The following CAB39 variants were observed in gnomAD, a reference collection of about 807,000 sequenced individuals.
The protein encoded by CAB39 is calcium-binding protein 39.
In CAB39, 8 loss-of-function variants were observed where a neutral mutation model predicts 40.0. That is an observed-to-expected ratio of 0.20 (90% CI 0.12 to 0.36). The LOEUF is 0.36. Ranked by LOEUF, CAB39 falls within the 10% of genes least tolerant of loss-of-function variation. The pLI is 1.00. For synonymous variants in CAB39, 156 were observed against 141.6 expected (o/e 1.10, Z -0.72); for missense variants, 270 against 401.1 (o/e 0.67, Z 2.79).
At chr2:230,748,773 C>G (rs1432636744) in intron 1 of CAB39, among the ~76,000 whole-genome samples, 2 of 139,080 alleles carry the variant, frequency 1.4e-5, no homozygotes, top group South Asian at 2.3e-4. Flanking sequence ...TGCCACTGCA[C>G]TCCAGCCTGG....
At chr2:230,815,291 T>G (rs1196432773) in intron 7 of CAB39, among the ~76,000 whole-genome samples, 1 of 152,198 alleles carries the variant, frequency 6.6e-6, no homozygotes, top group Admixed American at 6.5e-5. Context: ...TTGCTGTTGC[T>G]TGGGCCCCAC....
intron 8 of CAB39, 122 bp from the exon 9 acceptor site, chr2:230,818,394 G>T: frequency 1.5e-6 from 1 of 681,512 alleles, no homozygotes; most frequent in Non-Finnish European, 2.4e-6. Context: ...AAAACCTAAT[G>T]ACCCTGACTT....
At chr2:230,789,674 A>G (rs1695858389) in intron 2 of CAB39, among the ~76,000 whole-genome samples, 1 of 152,178 alleles carries the variant, frequency 6.6e-6, no homozygotes, top group South Asian at 2.1e-4. Context: ...AGTTGAAGAC[A>G]TGAGTGGGCT....
At chr2:230,785,383 G>A (rs1012880498) in intron 2 of CAB39, among the ~76,000 whole-genome samples, 8 of 151,536 alleles carry the variant, frequency 5.3e-5, no homozygotes, top group African/African-American at 1.7e-4. Context: ...GCGTGGGCAG[G>A]GGGGCAGGGG....
chr2:230,794,367 TG>T (rs1695943777), intron 4 of CAB39, among the ~76,000 whole-genome samples: 2 of 152,224 alleles, frequency 1.3e-5, no homozygotes, highest in South Asian at 4.1e-4. Context: ...AATTCAGAGT[TG>T]TATGTAAAAA....
At chr2:230,753,457 T>C (rs1354690616) in intron 1 of CAB39, among the ~76,000 whole-genome samples, 1 of 152,156 alleles carries the variant, frequency 6.6e-6, no homozygotes, top group African/African-American at 2.4e-5. Context: ...CTGAGGTTTA[T>C]TATAAACCAT....
rs575035304 is a variant in CAB39 at position 230,792,650 on chromosome 2, T to G, written c.280-563T>G. ...CTGAACTACTGTATCATGTGATACT[T>G]AGTACCTTCATTATTAATCTATATA... is the stretch of plus-strand genomic sequence containing the variant. On this transcript the variant is annotated intron_variant, in intron 3 of 8. Transcript: ENST00000258418. Among the ~76,000 whole-genome samples, 4 of 152,356 alleles carry G rather than the reference T, an allele frequency of 2.6e-5. No homozygotes were observed. The East Asian group carries it at 7.7e-4, about 29-fold the overall frequency.
chr2:230,731,699 A>G (rs1694693118), intron 1 of CAB39, among the ~76,000 whole-genome samples: 1 of 152,062 alleles, frequency 6.6e-6, no homozygotes, highest in Non-Finnish European at 1.5e-5. Context: ...GGGTCTTGCT[A>G]TGTTGCCCAG....
intron 1 of CAB39, among the ~76,000 whole-genome samples, chr2:230,748,994 G>A (rs1194014920): frequency 7.0e-6 from 1 of 143,116 alleles, no homozygotes; most frequent in African/African-American, 2.6e-5. Context: ...ATAAATGTGC[G>A]CCCCCCGCCC....
At chr2:230,780,302 T>C (rs1465541258) in intron 2 of CAB39, among the ~76,000 whole-genome samples, 1 of 152,198 alleles carries the variant, frequency 6.6e-6, no homozygotes, top group African/African-American at 2.4e-5. Flanking sequence ...CCTCCCTAAA[T>C]GTTAACGTCT....
chr2:230,815,344 G>A (rs114272369), intron 7 of CAB39, among the ~76,000 whole-genome samples: 1 of 152,184 alleles, frequency 6.6e-6, no homozygotes, highest in Non-Finnish European at 1.5e-5. Context: ...TTCATCTTTG[G>A]GGGGTTGGAC....
At chr2:230,810,501 A>G (rs1696285431) in intron 6 of CAB39, among the ~76,000 whole-genome samples, 179 bp downstream of exon 6, 1 of 152,258 alleles carries the variant, frequency 6.6e-6, no homozygotes, top group Admixed American at 6.5e-5. Context: ...TCAGAAGTAG[A>G]TCTTTTTGAT....
At chr2:230,773,286 A>G (rs1043345931) in intron 2 of CAB39, among the ~76,000 whole-genome samples, 1 of 138,384 alleles carries the variant, frequency 7.2e-6, no homozygotes, top group South Asian at 2.3e-4. Context: ...TGATGGTTTC[A>G]TGGGTGTATG....
intron 1 of CAB39, among the ~76,000 whole-genome samples, chr2:230,744,910 A>G (rs1218792938): frequency 1.3e-5 from 2 of 152,242 alleles, no homozygotes; most frequent in East Asian, 1.9e-4. Context: ...AAAATCAGCT[A>G]CTAAAGCAAA....
At chr2:230,764,122 A>G (rs1695342445) in intron 2 of CAB39, among the ~76,000 whole-genome samples, 1 of 152,008 alleles carries the variant, frequency 6.6e-6, no homozygotes, top group Non-Finnish European at 1.5e-5. Context: ...ACTGTCTCAA[A>G]AACAAAAAAA....
intron 7 of CAB39, 97 bp from the exon 8 acceptor site, chr2:230,817,657 T>C: frequency 1.1e-6 from 1 of 947,264 alleles, no homozygotes; most frequent in Non-Finnish European, 1.5e-6. Context: ...TGCCTACTAA[T>C]ACTCTATACT....
chr2:230,787,848 G>C (rs778378531), intron 2 of CAB39, among the ~76,000 whole-genome samples: 3 of 152,212 alleles, frequency 2.0e-5, no homozygotes, highest in Non-Finnish European at 4.4e-5. Context: ...ATGTGGAAGA[G>C]AAGTTAAAAT....
At chr2:230,806,384 G>A (rs1423143326) in intron 5 of CAB39, among the ~76,000 whole-genome samples, 2 of 152,146 alleles carry the variant, frequency 1.3e-5, no homozygotes, top group East Asian at 3.9e-4. Context: ...ATGTGACCAC[G>A]TAGTATGTAA....
At chr2:230,813,990 T>TTTTTTTTTTTG in intron 6 of CAB39, 59 bp from the exon 7 acceptor site, 1 of 363,058 alleles carries the variant, frequency 2.8e-6, no homozygotes, top group Non-Finnish European at 5.0e-6. Context: ...TTTTTTTTTT[T>TTTTTTTTTTTG]TTTTTTTTTT....
Sources: allele counts gnomAD v4.1 joint callset (sites outside exome capture counted in the v4.1 genomes callset), GRCh38; gene constraint gnomAD v4.1.1; transcripts MANE v1.5; gene names NCBI Gene and HGNC (gene_info 2026-07-23, HGNC 2026-07-21).